The following CELF2 variants were observed in gnomAD, a reference collection of about 807,000 sequenced individuals.
The protein encoded by CELF2 is CUG triplet repeat RNA-binding protein 2.
A neutral mutation model predicts 62.6 loss-of-function variants in CELF2; 8 were observed. The observed-to-expected ratio is 0.13, with a 90% CI of 0.07 to 0.23. The LOEUF is 0.23. Ranked by LOEUF, CELF2 falls within the 10% of genes least tolerant of loss-of-function variation. The pLI is 1.00. For missense variants in CELF2, 333 were observed against 671.0 expected (o/e 0.50, Z 5.56); for synonymous variants, 258 against 250.0 (o/e 1.03, Z -0.30).
chr10:10,714,647 G>T, the CELF2 span, among the ~76,000 whole-genome samples: 1 of 152,134 alleles, frequency 6.6e-6, no homozygotes, highest in African/African-American at 2.4e-5. Context: ...TCATCTCAGG[G>T]CTAAGAGGGA....
At chr10:10,801,413 G>T (rs955725374) in intron 1 of CELF2, among the ~76,000 whole-genome samples, 1 of 152,178 alleles carries the variant, frequency 6.6e-6, no homozygotes, top group African/African-American at 2.4e-5. Context: ...CGGTTTACTT[G>T]CCACCAATAA....
At position 11,005,420 on chromosome 10, in the gene CELF2, A is replaced by G; in HGVS notation, c.33A>G (p.Arg11=). ...GTCCCAAATCCGCTGTTACTATGAG[A>G]AATGAAGAGCTGCTTTTAAGGTATG... Residue 11 remains arginine (R), a synonymous_variant, in exon 1 of 13, where the codon AGA becomes AGG. Coordinates refer to the CELF2 transcript ENST00000416382. The surrounding 1 kb of genome is among the most constrained non-coding windows in gnomAD (Gnocchi z 4.3). 3.7e-6 allele frequency: 6 copies of G among 1,613,958 alleles called. No individual in the cohort carries two copies. The highest frequency in any genetic ancestry group is 5.1e-6 in the Non-Finnish European group (6 of 1,179,860).
At chr10:11,241,899 T>C (rs59326902) in intron 3 of CELF2, among the ~76,000 whole-genome samples, 7,825 of 152,274 alleles carry the variant, frequency 0.051, 423 homozygotes, top group African/African-American at 0.13. Flanking sequence ...TCCCAAATTT[T>C]TTTAGAGAAA....
chr10:10,887,588 T>C (rs2061843021), intron 1 of CELF2, among the ~76,000 whole-genome samples: 1 of 152,226 alleles, frequency 6.6e-6, no homozygotes, highest in African/African-American at 2.4e-5. Context: ...TGTTCGGCTG[T>C]TGGTCTATTT....
intron 1 of CELF2, among the ~76,000 whole-genome samples, chr10:11,034,164 T>C (rs748865787): frequency 1.3e-4 from 20 of 152,248 alleles, no homozygotes; most frequent in Non-Finnish European, 1.6e-4. Context: ...ACTTTGCCTG[T>C]ATTTTCTTGA....
the CELF2 span, among the ~76,000 whole-genome samples, chr10:10,695,215 C>G: frequency 3.0e-4 from 44 of 147,030 alleles, no homozygotes; most frequent in East Asian, 8.0e-3. Flanking sequence ...GTGACAAAAT[C>G]TCTCAGCATT....
At chr10:10,466,021 A>T in the CELF2 span, among the ~76,000 whole-genome samples, 2 of 152,150 alleles carry the variant, frequency 1.3e-5, no homozygotes, top group African/African-American at 4.8e-5. Flanking sequence ...AATGCTTCTT[A>T]CATGTGATCC....
At chr10:10,577,691 A>G in the CELF2 span, among the ~76,000 whole-genome samples, 1 of 152,112 alleles carries the variant, frequency 6.6e-6, no homozygotes, top group African/African-American at 2.4e-5. Flanking sequence ...ACATGAACTC[A>G]TCATTTTTTA....
rs150899688 is a variant in CELF2, at chr10:11,155,533, G to A, written c.75-9953G>A. 1.2e-4 allele frequency among the ~76,000 whole-genome samples: 19 copies of A among 152,278 alleles called. 1 individual carries two copies. Among genetic ancestry groups the A allele is most frequent in the East Asian group, 5.8e-4 (3 of 5,184 alleles). On this transcript the variant is annotated intron_variant, in intron 1 of 12. Transcript: ENST00000633077. Reference sequence around the variant, plus strand: ...GAGACCTCAAAGGGCATGAGCATCCGGATGGGAAGTTTGTGACATACGTTT... The same window carrying A: ...GAGACCTCAAAGGGCATGAGCATCCAGATGGGAAGTTTGTGACATACGTTT...
At chr10:10,989,585 G>T (rs903019770) in intron 2 of CELF2, among the ~76,000 whole-genome samples, 2 of 151,698 alleles carry the variant, frequency 1.3e-5, no homozygotes, top group Non-Finnish European at 2.9e-5. Context: ...AAAGGAAAAT[G>T]AAAAAAACAC....
rs550124010 is a variant in CELF2, at chr10:11,165,777, G to T, written c.271+95G>T. 23 of 1,206,002 alleles carry T rather than the reference G, an allele frequency of 1.9e-5. No individual in the cohort carries two copies. The African/African-American group carries it at 2.3e-4, about 12-fold the overall frequency. 74.7% of individuals were successfully genotyped at this position (1,206,002 alleles called of 1,614,324 possible). On this transcript the variant is annotated intron_variant, in intron 2 of 12. Transcript: ENST00000633077. This position sits in a 1 kb window ranked among gnomAD's most constrained non-coding sequence, Gnocchi z 7.4. ...CCCCAGCCTGCAGGAGGAAGGGCGG[G>T]TAGGCAGGAGGGCTGGAAGCAGCCG...
rs775387867 is a variant in CELF2 at position 11,311,684 on chromosome 10, A to C, written c.977-2455A>C. Among the ~76,000 whole-genome samples the C allele has an allele frequency of 2.0e-5, 3 of 152,364 alleles. No homozygotes were observed. Among genetic ancestry groups the C allele is most frequent in the Middle Eastern group, 3.4e-3 (1 of 294 alleles). On this transcript the variant is annotated intron_variant, in intron 9 of 12. Coordinates refer to ENST00000633077, the MANE Select transcript of CELF2 (RefSeq NM_001326342.2). This position sits in a 1 kb window ranked among gnomAD's most constrained non-coding sequence, Gnocchi z 4.7. ...AATGAAAAAATATAATCAAATTGTAAAATTTGGAGATGTAAGTTTAGCGGA... is the reference window on the plus strand; with the variant it reads ...AATGAAAAAATATAATCAAATTGTACAATTTGGAGATGTAAGTTTAGCGGA...
chr10:10,700,040 G>T, the CELF2 span, among the ~76,000 whole-genome samples: 1 of 152,114 alleles, frequency 6.6e-6, no homozygotes, highest in African/African-American at 2.4e-5. Flanking sequence ...CCCCCACTAG[G>T]TATCTGGAAT....
the CELF2 span, among the ~76,000 whole-genome samples, chr10:10,712,147 C>CA: frequency 0.18 from 7,703 of 43,354 alleles, 1,310 homozygotes; most frequent in East Asian, 0.22. Context: ...AGGATAGAGA[C>CA]AAAAAAAAAA....
At chr10:10,927,748 G>T (rs2065673300) in intron 2 of CELF2, among the ~76,000 whole-genome samples, 3 of 152,154 alleles carry the variant, frequency 2.0e-5, no homozygotes, top group African/African-American at 7.2e-5. Context: ...TCTTCACTTT[G>T]TCTACTTTCT....
chr10:11,044,279 G>A (rs1283018129), intron 1 of CELF2, among the ~76,000 whole-genome samples: 1 of 152,198 alleles, frequency 6.6e-6, no homozygotes. Context: ...GAAACAGCAG[G>A]GGCTTGGTCT....
the CELF2 span, among the ~76,000 whole-genome samples, chr10:10,672,293 T>A: frequency 6.6e-6 from 1 of 152,192 alleles, no homozygotes. Flanking sequence ...CCGCCATTTG[T>A]GTCACACTCA....
chr10:11,165,055 G>GC lies in CELF2; in HGVS notation c.75-431_75-430insC. The GC allele has an allele frequency of 3.1e-6, 1 of 323,108 alleles. No individual in the cohort carries two copies. The allele number at this position is 323,108 out of a possible 1,614,324, so 20.0% of individuals were successfully genotyped here. A position where few individuals can be genotyped will look rare whatever the true frequency, so the allele number is the denominator to read the frequency against. On this transcript the variant is annotated intron_variant, in intron 1 of 12. Coordinates refer to ENST00000633077, the MANE Select transcript of CELF2 (RefSeq NM_001326342.2). The surrounding 1 kb of genome is among the most constrained non-coding windows in gnomAD (Gnocchi z 7.4). ...AAAAGGGCGGTGGGGCGGGGGGCGGGGCAGGGAGAGGGAGAGAAATCCAGC... is the reference window on the plus strand; with the variant it reads ...AAAAGGGCGGTGGGGCGGGGGGCGGGCGCAGGGAGAGGGAGAGAAATCCAGC...
chr10:11,185,391 T>C (rs924137548), intron 2 of CELF2, among the ~76,000 whole-genome samples: 15 of 152,106 alleles, frequency 9.9e-5, no homozygotes, highest in African/African-American at 3.6e-4. Flanking sequence ...GGATAAGTCT[T>C]ACTTGGTCAT....
Sources: gnomAD v4.1 joint callset for allele counts (sites outside exome capture counted in the v4.1 genomes callset) on GRCh38, gnomAD v4.1.1 for gene constraint, Gnocchi (gnomAD v3.1) non-coding constraint, MANE v1.5 for transcripts, NCBI Gene and HGNC (gene_info 2026-07-23, HGNC 2026-07-21) for gene names.